PHRF1: variants seen among roughly 807,000 people sequenced by gnomAD.
PHRF1 encodes PHD and ring finger domains 1, also known as PHD and RING finger domain-containing protein 1.
PHRF1 carries 53 observed loss-of-function variants against 128.9 expected under a neutral mutation model. The ratio of observed to expected loss-of-function variants is 0.41; its 90% CI spans 0.33 to 0.52. PHRF1 has a LOEUF of 0.52. Ranked by LOEUF, PHRF1 falls within the 20% of genes least tolerant of loss-of-function variation. The pLI is 0.21. For synonymous variants in PHRF1, 1,178 were observed against 980.6 expected, an observed-to-expected ratio of 1.20 and a Z score of -3.76; for missense variants, 2,503 against 2,284.5, an observed-to-expected ratio of 1.10 and a Z score of -1.95.
intron 9 of PHRF1, among the ~76,000 whole-genome samples, chr11:599,843 G>A (rs1056222283): frequency 6.6e-6 from 1 of 152,054 alleles, no homozygotes; most frequent in African/African-American, 2.4e-5. Context: ...GGCGTCTGTG[G>A]GTCTGGTGCA....
chr11:586,348 T>A (rs1564841910), intron 3 of PHRF1, among the ~76,000 whole-genome samples: 1 of 152,250 alleles, frequency 6.6e-6, no homozygotes, highest in Non-Finnish European at 1.5e-5. Context: ...TTCTGCTGCC[T>A]CCCTCGCAGC....
Position 597,035 on chromosome 11 carries a change from C to T in PHRF1, c.718+15C>T. Reference sequence around the variant, plus strand: ...CCTTGCCGCTGGTAAGGACACTGCTCCCGTCCCAAGGCGCACATGGGCCTT... The same window carrying T: ...CCTTGCCGCTGGTAAGGACACTGCTTCCGTCCCAAGGCGCACATGGGCCTT... On this transcript the variant is annotated intron_variant, in intron 7 of 17. Transcript: ENST00000264555. This position sits in a 1 kb window ranked among gnomAD's most constrained non-coding sequence, Gnocchi z 6.5. 1 of 1,612,950 alleles carries T rather than the reference C, an allele frequency of 6.2e-7. No homozygotes were observed. The highest frequency in any genetic ancestry group is 8.5e-7 in the Non-Finnish European group (1 of 1,179,206).
In PHRF1 at chr11:606,771, G is replaced by A. The variant is rs1038304362; in HGVS notation, c.1609+175G>A. The A allele has an allele frequency of 5.9e-6, 6 of 1,021,666 alleles. No individual in the cohort carries two copies. In the African/African-American group the frequency reaches 6.5e-5, roughly 11 times the overall value. The allele number at this position is 1,021,666 out of a possible 1,614,324, so 63.3% of individuals were successfully genotyped here. ...CTTGAGCAGTTTCTCAGTTAGCTCC[G>A]AGTTCTTACCCAGCCCCACAGCTTC... On this transcript the variant is annotated intron_variant, in intron 13 of 17. Coordinates refer to ENST00000264555, the MANE Select transcript of PHRF1 (RefSeq NM_001286581.2).
chr11:577,627 C>G (rs1478525900), intron 1 of PHRF1, among the ~76,000 whole-genome samples: 1 of 152,248 alleles, frequency 6.6e-6, no homozygotes, highest in African/African-American at 2.4e-5. Context: ...GCGTGCCTGA[C>G]TTTTTGACTT....
Position 611,096 on chromosome 11 carries a change from G to C in PHRF1, c.4806+14G>C, listed in dbSNP as rs201084702. On this transcript the variant is annotated intron_variant, in intron 17 of 17. Coordinates refer to ENST00000264555, the MANE Select transcript of PHRF1 (RefSeq NM_001286581.2). ...GCCGTGCAGAAGGTGGGCTGTGTGC[G>C]AGCCTGTGTGTGGGGCTCGGGGTCA... 3.7e-5 allele frequency: 60 copies of C among 1,612,222 alleles called. No homozygotes were observed. The African/African-American group carries it at 6.3e-4, about 17-fold the overall frequency.
intron 1 of PHRF1, among the ~76,000 whole-genome samples, chr11:577,418 C>G (rs908587101): frequency 6.6e-5 from 10 of 152,236 alleles, no homozygotes; most frequent in African/African-American, 2.2e-4. Flanking sequence ...AATGGACAGG[C>G]TCTGAGGCCG....
At chr11:598,642 C>T (rs768182443) in intron 9 of PHRF1, 140 bp downstream of exon 9, 12 of 1,328,672 alleles carry the variant, frequency 9.0e-6, no homozygotes, top group Non-Finnish European at 1.2e-5. Context: ...AAACACTACA[C>T]AGAAGCCGCG....
In PHRF1 at chr11:587,477, CTGGT is replaced by C. The variant is rs761459603; in HGVS notation, c.420+17_420+20del. On this transcript the variant is annotated intron_variant, in intron 4 of 17. Coordinates refer to ENST00000264555, the MANE Select transcript of PHRF1 (RefSeq NM_001286581.2). ...CGAATGGTCCAAGGTGAGTTCACCT[CTGGT>C]TGGGTGCTTCCTCCCTTCAGGATGG... 6.2e-7 allele frequency: 1 copy of C among 1,612,102 alleles called. No homozygotes were observed. Among genetic ancestry groups the C allele is most frequent in the Non-Finnish European group, 8.5e-7 (1 of 1,179,372 alleles).
At chr11:584,577 G>A (rs1350962194) in intron 3 of PHRF1, among the ~76,000 whole-genome samples, 1 of 152,152 alleles carries the variant, frequency 6.6e-6, no homozygotes, top group Admixed American at 6.5e-5. Flanking sequence ...GCTGGGCAGA[G>A]GCGGCAGGCC....
chr11:611,114 CG>C, intron 17 of PHRF1, 32 bp downstream of exon 17: 1 of 1,610,404 alleles, frequency 6.2e-7, no homozygotes, highest in Non-Finnish European at 8.5e-7. Context: ...GTGTGGGGCT[CG>C]GGGTCACGGG....
chr11:610,250 A>G lies in PHRF1; in HGVS notation c.4319A>G (p.Asp1440Gly). 1 of 1,554,100 alleles carries G rather than the reference A, an allele frequency of 6.4e-7. No individual in the cohort carries two copies. Among genetic ancestry groups the G allele is most frequent in the East Asian group, 2.4e-5 (1 of 41,210 alleles). Reference protein sequence around the residue: ...KPREGAWDMEDVAPTGVRQVF... With the variant: ...KPREGAWDMEGVAPTGVRQVF... Reference sequence around the variant, plus strand: ...CGAGAAGGAGCCTGGGACATGGAGGATGTGGCCCCCACAGGGGTCAGGCAG... The same window carrying G: ...CGAGAAGGAGCCTGGGACATGGAGGGTGTGGCCCCCACAGGGGTCAGGCAG... The change falls in exon 15 of 18, where the codon GAT (aspartate) becomes GGT (glycine). Residue 1440 changes from aspartate (D) to glycine (G), a missense_variant. Coordinates refer to ENST00000264555, the MANE Select transcript of PHRF1 (RefSeq NM_001286581.2).
intron 3 of PHRF1, among the ~76,000 whole-genome samples, chr11:584,882 C>T (rs1045281925): frequency 2.6e-5 from 4 of 151,916 alleles, no homozygotes; most frequent in Non-Finnish European, 5.9e-5. Context: ...GGATTACAGG[C>T]GCGCACCACC....
chr11:605,425 T>C, intron 11 of PHRF1, 125 bp downstream of exon 11: 2 of 1,469,134 alleles, frequency 1.4e-6, no homozygotes, highest in Non-Finnish European at 1.8e-6. Context: ...TGGCCATTCC[T>C]CCCACCGCCA....
Position 612,141 on chromosome 11 carries a change from A to G in PHRF1, c.*364A>G, listed in dbSNP as rs1856448310. The stretch of plus-strand genomic sequence containing the variant: ...CCTGGTGGGGTGGCGCGTCCTTGAT[A>G]AATCTCTAGGTGGCCTCCCGCCAAC... On this transcript the variant is annotated 3_prime_UTR_variant, in exon 18 of 18. Transcript: ENST00000264555. 1 of 342,278 alleles carries G rather than the reference A, an allele frequency of 2.9e-6. No homozygotes were observed. Among genetic ancestry groups the G allele is most frequent in the South Asian group, 5.0e-5 (1 of 20,080 alleles). 21.2% of individuals were successfully genotyped at this position (342,278 alleles called of 1,614,324 possible). A position where few individuals can be genotyped will look rare whatever the true frequency, so the allele number is the denominator to read the frequency against.
At chr11:578,964 G>A (rs1854048658) in intron 1 of PHRF1, among the ~76,000 whole-genome samples, 1 of 151,830 alleles carries the variant, frequency 6.6e-6, no homozygotes, top group African/African-American at 2.4e-5. Flanking sequence ...ATTCTCCTCC[G>A]GAGTAGCTGG....
chr11:583,485 C>G (rs566118388), intron 3 of PHRF1, among the ~76,000 whole-genome samples: 2 of 152,170 alleles, frequency 1.3e-5, no homozygotes, highest in Non-Finnish European at 2.9e-5. Flanking sequence ...CCACCACACT[C>G]CAGCCTGGGC....
chr11:611,107 T>C, intron 17 of PHRF1, 25 bp downstream of exon 17: 2 of 1,611,828 alleles, frequency 1.2e-6, no homozygotes, highest in Non-Finnish European at 1.7e-6. Flanking sequence ...AGCCTGTGTG[T>C]GGGGCTCGGG....
At chr11:586,635 G>C (rs7949750) in intron 3 of PHRF1, among the ~76,000 whole-genome samples, 5,981 of 152,268 alleles carry the variant, frequency 0.039, 403 homozygotes, top group African/African-American at 0.14. Flanking sequence ...GCACGTATGG[G>C]CTCTGCCGTG....
chr11:582,403 T>G (rs995985116), intron 3 of PHRF1, among the ~76,000 whole-genome samples: 6 of 152,108 alleles, frequency 3.9e-5, no homozygotes, highest in African/African-American at 1.4e-4. Context: ...TAGCTGGGAT[T>G]ACAGGCACGC....
Sources: allele counts gnomAD v4.1 joint callset (sites outside exome capture counted in the v4.1 genomes callset), GRCh38; gene constraint gnomAD v4.1.1; non-coding constraint Gnocchi (gnomAD v3.1); transcripts MANE v1.5; gene names NCBI Gene and HGNC (gene_info 2026-07-23, HGNC 2026-07-21).